RAB21: variants seen among roughly 807,000 people sequenced by gnomAD.
RAB21 encodes the protein RAB21, member RAS oncogene family.
Under a neutral mutation model 33.1 loss-of-function variants are expected in RAB21, and 13 were observed. The ratio of observed to expected loss-of-function variants is 0.39; its 90% CI spans 0.26 to 0.62. RAB21 has a LOEUF of 0.62. Among genes scored for constraint, RAB21 ranks in the 20% least tolerant of loss-of-function variants. The probability of loss-of-function intolerance (pLI) is 0.48; values close to 1 mark genes in which losing one functional copy is unlikely to be tolerated. For missense variants in RAB21, 234 were observed against 279.1 expected, an observed-to-expected ratio of 0.84 and a Z score of 1.15; for synonymous variants, 91 against 103.7, an observed-to-expected ratio of 0.88 and a Z score of 0.74.
rs1419854631 is a variant in RAB21 at position 71,792,427 on chromosome 12, C to T, written c.*6754C>T. The T allele has an allele frequency of 6.6e-6, 1 of 152,134 alleles. No homozygotes were observed. The highest frequency in any genetic ancestry group is 1.5e-5 in the Non-Finnish European group (1 of 68,026). 9.4% of individuals were successfully genotyped at this position (152,134 alleles called of 1,614,324 possible). ...GGGCTCATCCTCTTGGTGTATTTTC[C>T]TACTTGGAGAGCATTACAGTGTCCA... On this transcript the variant is annotated 3_prime_UTR_variant, in exon 7 of 7. Transcript: ENST00000261263.
intron 4 of RAB21, among the ~76,000 whole-genome samples, chr12:71,781,236 G>A (rs191833278): frequency 5.7e-4 from 86 of 152,176 alleles, no homozygotes; most frequent in African/African-American, 1.9e-3. Context: ...TTGGGAGGCC[G>A]AGGCAGGCGG....
At chr12:71,756,535 T>C (rs1882788339) in intron 1 of RAB21, among the ~76,000 whole-genome samples, 1 of 152,270 alleles carries the variant, frequency 6.6e-6, no homozygotes, top group South Asian at 2.1e-4. Context: ...ACGCTCTGGC[T>C]CTGATTCCAT....
At chr12:71,782,128 A>G (rs1266982932) in intron 5 of RAB21, 43 bp downstream of exon 5, 3 of 1,529,372 alleles carry the variant, frequency 2.0e-6, no homozygotes, top group Non-Finnish European at 2.7e-6. Context: ...TCCCTAGTAG[A>G]AATCTTCCTC....
intron 6 of RAB21, among the ~76,000 whole-genome samples, chr12:71,783,461 T>TAC (rs375346438): frequency 1.4e-4 from 21 of 150,386 alleles, no homozygotes; most frequent in African/African-American, 4.1e-4. Context: ...TGTGTGTGTG[T>TAC]ACACACACAC....
rs1336782473 is a variant in RAB21 at position 71,798,209 on chromosome 12, C to CA, written c.*12538dup. Reference sequence around the variant, plus strand: ...AGCAATTATTCCTACCTTAGCCTCCCAAGTAGCTGGGACTACAGGTGTGCA... The same window carrying CA: ...AGCAATTATTCCTACCTTAGCCTCCCAAAGTAGCTGGGACTACAGGTGTGCA... On this transcript the variant is annotated 3_prime_UTR_variant, in exon 7 of 7. Coordinates refer to ENST00000261263, the MANE Select transcript of RAB21 (RefSeq NM_014999.4). 6.6e-6 allele frequency: 1 copy of CA among 152,142 alleles called. No homozygotes were observed. Among genetic ancestry groups the CA allele is most frequent in the Non-Finnish European group, 1.5e-5 (1 of 68,092 alleles). 9.4% of individuals were successfully genotyped at this position (152,142 alleles called of 1,614,324 possible).
At chr12:71,780,620 T>C (rs1883183857) in intron 4 of RAB21, among the ~76,000 whole-genome samples, 1 of 152,228 alleles carries the variant, frequency 6.6e-6, no homozygotes, top group Admixed American at 6.5e-5. Flanking sequence ...TTTAGTGTTG[T>C]CTGCTTCCCT....
chr12:71,772,828 T>G (rs1197189931), intron 3 of RAB21, among the ~76,000 whole-genome samples: 1 of 152,196 alleles, frequency 6.6e-6, no homozygotes, highest in Non-Finnish European at 1.5e-5. Context: ...AAAACTGTCA[T>G]TCAGTGCTGT....
chr12:71,782,403 A>G (rs1190197527), intron 5 of RAB21, 167 bp from the exon 6 acceptor site: 5 of 527,262 alleles, frequency 9.5e-6, no homozygotes, highest in Non-Finnish European at 1.7e-5. Context: ...TATTTGTGTT[A>G]TTTAAAATTT....
At chr12:71,770,825 A>G in intron 3 of RAB21, 126 bp downstream of exon 3, 1 of 605,660 alleles carries the variant, frequency 1.7e-6, no homozygotes, top group Admixed American at 3.5e-5. Context: ...TTTGTGCATA[A>G]CTGGTGACCA....
chr12:71,754,933 C>G lies in RAB21; in HGVS notation c.-197C>G. 3.5e-6 allele frequency: 1 copy of G among 284,310 alleles called. No individual in the cohort carries two copies. The highest frequency in any genetic ancestry group is 5.4e-6 in the Non-Finnish European group (1 of 186,566). The allele number at this position is 284,310 out of a possible 1,614,324, so 17.6% of individuals were successfully genotyped here. A position where few individuals can be genotyped will look rare whatever the true frequency, so the allele number is the denominator to read the frequency against. On this transcript the variant is annotated 5_prime_UTR_variant, in exon 1 of 7. Coordinates refer to ENST00000261263, the MANE Select transcript of RAB21 (RefSeq NM_014999.4). ...TCTTCGCTTTTCCTCCGGTGCCTGACGTGGTGGGCTGGGGCCCTTCATTCT... is the reference window on the plus strand; with the variant it reads ...TCTTCGCTTTTCCTCCGGTGCCTGAGGTGGTGGGCTGGGGCCCTTCATTCT...
Position 71,785,694 on chromosome 12 carries a change from A to G in RAB21, c.*21A>G. 6.2e-7 allele frequency: 1 copy of G among 1,613,812 alleles called. No homozygotes were observed. Among genetic ancestry groups the G allele is most frequent in the Non-Finnish European group, 8.5e-7 (1 of 1,179,788 alleles). On this transcript the variant is annotated 3_prime_UTR_variant, in exon 7 of 7. Coordinates refer to ENST00000261263, the MANE Select transcript of RAB21 (RefSeq NM_014999.4). ...GATAACTGTTCACGCCTAAGAAATT[A>G]AAAGACAGAACAAAACTGTGGATCA... is the stretch of plus-strand genomic sequence containing the variant.
Position 71,755,261 on chromosome 12 carries a change from T to C in RAB21, c.132T>C (p.Phe44=). ...SLVLRYCENK[F]NDKHITTLQA... Reference sequence around the variant, plus strand: ...TGCTGCGCTACTGCGAGAACAAGTTTAACGACAAGCACATCACCACTCTGC... The same window carrying C: ...TGCTGCGCTACTGCGAGAACAAGTTCAACGACAAGCACATCACCACTCTGC... Residue 44 remains phenylalanine (F), a synonymous_variant, in exon 1 of 7, where the codon TTT becomes TTC. Transcript: ENST00000261263. 1 of 1,542,806 alleles carries C rather than the reference T, an allele frequency of 6.5e-7. No homozygotes were observed.
At chr12:71,774,497 G>A (rs935437229) in intron 4 of RAB21, among the ~76,000 whole-genome samples, 3 of 151,688 alleles carry the variant, frequency 2.0e-5, no homozygotes, top group African/African-American at 4.8e-5. Context: ...AGTGGCTCAC[G>A]CCTGTGATCC....
Position 71,796,230 on chromosome 12 carries a change from GA to G in RAB21, c.*10559del, listed in dbSNP as rs1883463177. ...TAGAGAACCTCATCATGAGATTTGA[GA>G]ATAGCTTTAGAGTTACTCTTGGGAT... On this transcript the variant is annotated 3_prime_UTR_variant, in exon 7 of 7. Transcript: ENST00000261263. 2 of 137,734 alleles carry G rather than the reference GA, an allele frequency of 1.5e-5. No individual in the cohort carries two copies. Among genetic ancestry groups the G allele is most frequent in the South Asian group, 5.2e-4 (2 of 3,862 alleles). The allele number at this position is 137,734 out of a possible 1,614,324, so 8.5% of individuals were successfully genotyped here. A position where few individuals can be genotyped will look rare whatever the true frequency, so the allele number is the denominator to read the frequency against.
At chr12:71,762,762 A>G (rs1046643844) in intron 1 of RAB21, among the ~76,000 whole-genome samples, 1 of 151,992 alleles carries the variant, frequency 6.6e-6, no homozygotes, top group African/African-American at 2.4e-5. Context: ...TTATATTTTT[A>G]GTAGAGATGG....
chr12:71,782,509 C>A, intron 5 of RAB21, 61 bp from the exon 6 acceptor site: 1 of 1,171,924 alleles, frequency 8.5e-7, no homozygotes, highest in Non-Finnish European at 1.2e-6. Context: ...TATAAAAAAG[C>A]AGTTAAGACA....
At chr12:71,763,758 C>A (rs1315738487) in intron 1 of RAB21, among the ~76,000 whole-genome samples, 1 of 152,020 alleles carries the variant, frequency 6.6e-6, no homozygotes, top group African/African-American at 2.4e-5. Flanking sequence ...TTGTGCCTAC[C>A]CTGAGAATAT....
rs1482293872 is a variant in RAB21 at position 71,789,413 on chromosome 12, C to G, written c.*3740C>G. On this transcript the variant is annotated 3_prime_UTR_variant, in exon 7 of 7. Transcript: ENST00000261263. ...AGTTTACTCTTATAATTACCCGTTACGTTATCTCTAAAAGTAGTTTGATCT... is the reference window on the plus strand; with the variant it reads ...AGTTTACTCTTATAATTACCCGTTAGGTTATCTCTAAAAGTAGTTTGATCT... 1.3e-5 allele frequency: 2 copies of G among 152,034 alleles called. No homozygotes were observed. Among genetic ancestry groups the G allele is most frequent in the Non-Finnish European group, 2.9e-5 (2 of 67,946 alleles). The allele number at this position is 152,034 out of a possible 1,614,324, so 9.4% of individuals were successfully genotyped here. A position where few individuals can be genotyped will look rare whatever the true frequency, so the allele number is the denominator to read the frequency against.
At chr12:71,775,196 A>G (rs532094425) in intron 4 of RAB21, among the ~76,000 whole-genome samples, 4 of 152,330 alleles carry the variant, frequency 2.6e-5, no homozygotes, top group African/African-American at 7.2e-5. Flanking sequence ...ATAAAAGTAT[A>G]CTAAACACTG....
Sources: allele counts gnomAD v4.1 joint callset (sites outside exome capture counted in the v4.1 genomes callset), GRCh38; gene constraint gnomAD v4.1.1; transcripts MANE v1.5; gene names NCBI Gene and HGNC (gene_info 2026-07-23, HGNC 2026-07-21).